Variants in LRP1B observed in about 807,000 individuals in gnomAD.
The protein encoded by LRP1B is low-density lipoprotein receptor-related protein 1B.
LRP1B carries 217 observed loss-of-function variants against 556.6 expected under a neutral mutation model. The ratio of observed to expected loss-of-function variants is 0.39; its 90% CI spans 0.35 to 0.44. The LOEUF is 0.44. Ranked by LOEUF, LRP1B falls within the 20% of genes least tolerant of loss-of-function variation. LRP1B has a pLI of 1.00. For missense variants in LRP1B, 5,053 were observed against 5,620.8 expected (o/e 0.90, Z 3.23); for synonymous variants, 2,047 against 1,865.8 (o/e 1.10, Z -2.50).
intron 1 of LRP1B, among the ~76,000 whole-genome samples, chr2:142,074,426 T>G (rs184529539): frequency 1.3e-5 from 2 of 152,176 alleles, no homozygotes; most frequent in East Asian, 3.9e-4. Flanking sequence ...TTCCCCACAT[T>G]ATGTCCATTT....
chr2:140,834,753 A>G (rs528518833), intron 31 of LRP1B, among the ~76,000 whole-genome samples: 1 of 152,242 alleles, frequency 6.6e-6, no homozygotes, highest in Admixed American at 6.5e-5. Context: ...AACTACTAAC[A>G]TTTCATTATA....
intron 23 of LRP1B, among the ~76,000 whole-genome samples, chr2:140,887,485 A>G (rs1436468060): frequency 6.6e-6 from 1 of 152,134 alleles, no homozygotes; most frequent in Non-Finnish European, 1.5e-5. Flanking sequence ...ATTCAAACTT[A>G]TTTCATACCA....
intron 1 of LRP1B, among the ~76,000 whole-genome samples, chr2:141,976,431 G>A (rs901855694): frequency 7.2e-5 from 11 of 151,866 alleles, no homozygotes; most frequent in South Asian, 2.1e-4. Flanking sequence ...TTCAATTAAC[G>A]AACTTTTGCA....
intron 62 of LRP1B, among the ~76,000 whole-genome samples, chr2:140,452,571 T>C (rs998920412): frequency 2.0e-5 from 3 of 152,130 alleles, no homozygotes; most frequent in South Asian, 2.1e-4. Flanking sequence ...GAAGTGTTTA[T>C]GTTGTTATTC....
chr2:140,729,883 T>G (rs2105495022), intron 35 of LRP1B, among the ~76,000 whole-genome samples: 1 of 152,318 alleles, frequency 6.6e-6, no homozygotes, highest in Middle Eastern at 3.4e-3. Context: ...ATAACTGCAT[T>G]ATTACAATAA....
intron 31 of LRP1B, among the ~76,000 whole-genome samples, chr2:140,831,877 C>CA (rs1197913800): frequency 6.6e-6 from 1 of 151,816 alleles, no homozygotes; most frequent in African/African-American, 2.4e-5. Flanking sequence ...AGGCATGTCT[C>CA]AAAAAAAGAC....
intron 3 of LRP1B, among the ~76,000 whole-genome samples, chr2:141,432,147 T>A (rs932636824): frequency 6.6e-6 from 1 of 152,128 alleles, no homozygotes; most frequent in African/African-American, 2.4e-5. Flanking sequence ...CCAAGTTTAC[T>A]GAGGAATTTT....
chr2:140,527,464 T>G (rs1054348233), intron 47 of LRP1B, among the ~76,000 whole-genome samples: 1 of 151,982 alleles, frequency 6.6e-6, no homozygotes, highest in Non-Finnish European at 1.5e-5. Context: ...CAAAAGGGTG[T>G]GTATGTCATT....
chr2:140,956,639 C>T (rs1325109300), intron 18 of LRP1B, among the ~76,000 whole-genome samples: 2 of 151,702 alleles, frequency 1.3e-5, no homozygotes, highest in Non-Finnish European at 3.0e-5. Flanking sequence ...AGAGTAAATG[C>T]ATTTTGGAGA....
chr2:142,082,425 A>G (rs139306656), intron 1 of LRP1B, among the ~76,000 whole-genome samples: 23 of 152,300 alleles, frequency 1.5e-4, no homozygotes, highest in Non-Finnish European at 2.6e-4. Flanking sequence ...CTGATTTTTA[A>G]GAAGTAATAG....
chr2:141,960,525 G>C (rs28447422), intron 1 of LRP1B, among the ~76,000 whole-genome samples: 9,771 of 151,814 alleles, frequency 0.064, 398 homozygotes, highest in African/African-American at 0.12. Flanking sequence ...TAGAATGTTT[G>C]GTTATCAAAG....
chr2:141,471,295 A>C (rs1187570101), intron 3 of LRP1B, among the ~76,000 whole-genome samples: 1 of 24,706 alleles, frequency 4.0e-5, no homozygotes, highest in Non-Finnish European at 1.0e-4. Flanking sequence ...TTTTTTTTTT[A>C]CTCTCTTGCT....
intron 43 of LRP1B, among the ~76,000 whole-genome samples, chr2:140,591,980 A>T (rs1015629062): frequency 1.3e-5 from 2 of 152,170 alleles, no homozygotes; most frequent in Admixed American, 6.5e-5. Flanking sequence ...CCTACTTGAT[A>T]TGTATCTGCC....
chr2:141,217,555 G>A (rs892143610), intron 6 of LRP1B, among the ~76,000 whole-genome samples: 1 of 152,070 alleles, frequency 6.6e-6, no homozygotes, highest in Non-Finnish European at 1.5e-5. Flanking sequence ...AATGAAATTT[G>A]ACCTCTACCT....
At chr2:140,937,514 G>A (rs928167808) in intron 20 of LRP1B, among the ~76,000 whole-genome samples, 2 of 152,018 alleles carry the variant, frequency 1.3e-5, no homozygotes, top group African/African-American at 2.4e-5. Flanking sequence ...AGATTTCTAG[G>A]TATGAAGGAG....
intron 53 of LRP1B, among the ~76,000 whole-genome samples, chr2:140,504,826 A>C (rs770378103): frequency 1.3e-5 from 2 of 152,210 alleles, no homozygotes; most frequent in Middle Eastern, 3.4e-3. Context: ...TAATCATCAG[A>C]ACTATCACAA....
intron 17 of LRP1B, among the ~76,000 whole-genome samples, chr2:140,985,488 A>G (rs1025440040): frequency 6.6e-6 from 1 of 151,626 alleles, no homozygotes; most frequent in Admixed American, 6.6e-5. Flanking sequence ...GCTTGAATAT[A>G]AGGAATGATC....
intron 35 of LRP1B, among the ~76,000 whole-genome samples, chr2:140,759,067 C>G (rs1688833439): frequency 6.6e-6 from 1 of 152,022 alleles, no homozygotes. Flanking sequence ...CCCTGAAGAA[C>G]AGAGCAGATG....
At chr2:141,457,779 G>A (rs1156623998) in intron 3 of LRP1B, among the ~76,000 whole-genome samples, 1 of 152,262 alleles carries the variant, frequency 6.6e-6, no homozygotes, top group African/African-American at 2.4e-5. Context: ...GGAGGGCATA[G>A]AAAGATAGTA....
Sources: gnomAD v4.1 joint callset for allele counts (sites outside exome capture counted in the v4.1 genomes callset) on GRCh38, gnomAD v4.1.1 for gene constraint, MANE v1.5 for transcripts, NCBI Gene and HGNC (gene_info 2026-07-23, HGNC 2026-07-21) for gene names.